IGF2R: variants seen among roughly 807,000 people sequenced by gnomAD.
IGF2R encodes the protein cation-independent mannose-6-phosphate receptor.
In IGF2R, 91 loss-of-function variants were observed where a neutral mutation model predicts 270.6. The observed-to-expected ratio is 0.34, with a 90% confidence interval of 0.28 to 0.40. The LOEUF (loss-of-function observed/expected upper bound fraction) is 0.40, where lower values mean the gene tolerates loss of function less well. IGF2R is among the 10% of genes least tolerant of loss of function. The pLI is 1.00. For synonymous variants in IGF2R, 1,316 were observed against 1,258.9 expected (o/e 1.05, Z -0.96); for missense variants, 2,805 against 3,188.3 (o/e 0.88, Z 2.90).
intron 44 of IGF2R, among the ~76,000 whole-genome samples, chr6:160,092,471 A>G (rs1779248555): frequency 1.3e-5 from 2 of 152,252 alleles, no homozygotes; most frequent in African/African-American, 4.8e-5. Context: ...ATGCGCATTT[A>G]GTCATTCTTG....
At chr6:160,073,094 C>G (rs1417369239) in intron 33 of IGF2R, 119 bp from the exon 34 acceptor site, 1 of 1,428,252 alleles carries the variant, frequency 7.0e-7, no homozygotes. Context: ...CCGGATTGGA[C>G]ACTTGAAGTT....
chr6:160,060,499 C>G (rs765096548), intron 22 of IGF2R, 48 bp from the exon 23 acceptor site: 1 of 1,591,580 alleles, frequency 6.3e-7, no homozygotes, highest in Non-Finnish European at 8.6e-7. Flanking sequence ...TGGGCTGCGC[C>G]ATGAATACTG....
chr6:160,073,159 A>T, intron 33 of IGF2R, 54 bp from the exon 34 acceptor site: 1 of 1,591,484 alleles, frequency 6.3e-7, no homozygotes, highest in Non-Finnish European at 8.6e-7. Context: ...CTCATCAGAA[A>T]ATTGGCCATC....
chr6:160,098,491 T>G lies in IGF2R; in HGVS notation c.6842+1866T>G, dbSNP rs74298706. The stretch of plus-strand genomic sequence containing the variant: ...TGGAATAGTGCCTGAGATTTTTTTT[T>G]CCCCAAATGTTATCAGTGTTGTACA... On this transcript the variant is annotated intron_variant, in intron 45 of 47. Transcript: ENST00000356956. Among the ~76,000 whole-genome samples, 16 of 152,216 alleles carry G rather than the reference T, an allele frequency of 1.1e-4. No individual in the cohort carries two copies. The East Asian group carries it at 3.1e-3, about 29-fold the overall frequency.
intron 41 of IGF2R, among the ~76,000 whole-genome samples, 185 bp from the exon 42 acceptor site, chr6:160,087,848 G>A (rs904623037): frequency 3.9e-5 from 6 of 152,070 alleles, no homozygotes; most frequent in Admixed American, 3.3e-4. Flanking sequence ...AATAATTTTT[G>A]TATTTTTAGT....
chr6:159,991,556 C>G (rs1222066276), intron 2 of IGF2R, among the ~76,000 whole-genome samples: 2 of 152,200 alleles, frequency 1.3e-5, no homozygotes, highest in African/African-American at 4.8e-5. Flanking sequence ...ATACAGACAG[C>G]TGTTATGAAG....
At chr6:159,985,324 C>T (rs536568299) in intron 1 of IGF2R, among the ~76,000 whole-genome samples, 12 of 152,308 alleles carry the variant, frequency 7.9e-5, no homozygotes, top group Middle Eastern at 3.4e-3. Flanking sequence ...AGGACTCACC[C>T]GTGGGCCTCA....
At chr6:160,025,094 G>A (rs984272119) in intron 5 of IGF2R, among the ~76,000 whole-genome samples, 5 of 152,172 alleles carry the variant, frequency 3.3e-5, no homozygotes, top group African/African-American at 2.4e-5. Flanking sequence ...GTACTTGGTC[G>A]GGATGCATAT....
Position 160,105,027 on chromosome 6 carries a change from C to G in IGF2R, c.7419C>G (p.Ser2473Arg), listed in dbSNP as rs1283925782. ...GCTCTGCACAGCAGAAGACAGTGAGCTCCACCAAGCTGGTGTCCTTCCATG... is the reference window on the plus strand; with the variant it reads ...GCTCTGCACAGCAGAAGACAGTGAGGTCCACCAAGCTGGTGTCCTTCCATG... ...KSSSAQQKTV[S>R]STKLVSFHDD... The change falls in exon 48 of 48, where the codon AGC (serine) becomes AGG (arginine). Residue 2473 changes from serine (S) to arginine (R), a missense_variant. By Grantham distance (110) the Ser-to-Arg change is moderately radical. Coordinates refer to ENST00000356956, the MANE Select transcript of IGF2R (RefSeq NM_000876.4). 2 of 1,611,806 alleles carry G rather than the reference C, an allele frequency of 1.2e-6. No homozygotes were observed.
chr6:160,028,541 T>C (rs142974044), intron 6 of IGF2R, among the ~76,000 whole-genome samples: 107 of 152,378 alleles, frequency 7.0e-4, no homozygotes, highest in Non-Finnish European at 1.3e-3. Flanking sequence ...TGAGCTTCTC[T>C]TGTGGGAAAA....
rs1347369237 is a variant in IGF2R, at chr6:160,043,171, G to C, written c.1504G>C (p.Val502Leu). The change falls in exon 12 of 48, where the codon GTG (valine) becomes CTG (leucine). Residue 502 changes from valine to leucine, a missense_variant. Val to Leu is a conservative substitution (Grantham distance 32, BLOSUM62 1). Around this residue, in one of 2 missense-constraint regions of IGF2R, gnomAD observed 954 missense variants for 981.1 expected, o/e 0.97. Transcript: ENST00000356956. ...AGAACCAGAGCAGAATTGGGAAGCT[G>C]TGGATGGCAGTCAGACGGAAACAGA... is the stretch of plus-strand genomic sequence containing the variant. ...HAEPEQNWEAVDGSQTETEKK... is the reference protein window; with the variant it reads ...HAEPEQNWEALDGSQTETEKK... 6.2e-7 allele frequency: 1 copy of C among 1,614,216 alleles called. No homozygotes were observed. The highest frequency in any genetic ancestry group is 8.5e-7 in the Non-Finnish European group (1 of 1,180,022).
chr6:160,026,440 G>T (rs918581295), intron 5 of IGF2R, among the ~76,000 whole-genome samples: 1 of 152,178 alleles, frequency 6.6e-6, no homozygotes, highest in Non-Finnish European at 1.5e-5. Flanking sequence ...TCCCTTCTGT[G>T]TGCTAGGCAC....
In IGF2R at chr6:160,102,579, A is replaced by G. The variant is rs1159307857; in HGVS notation, c.6903A>G (p.Glu2301=). Residue 2301 remains glutamate (E), a synonymous_variant, in exon 46 of 48, where the codon GAA becomes GAG. Transcript: ENST00000356956. This position sits in a 1 kb window ranked among gnomAD's most constrained non-coding sequence, Gnocchi z 4.5. ...DDGQMHKGLS[E]RSQAVGAVLS... is the part of the protein sequence containing the mutation. ...GGCAGATGCACAAGGGGCTGTCAGA[A>G]CGGAGCCAGGCAGTCGGCGCGGTGC... 6.2e-7 allele frequency: 1 copy of G among 1,613,662 alleles called. No individual in the cohort carries two copies. The highest frequency in any genetic ancestry group is 1.3e-5 in the African/African-American group (1 of 75,046).
chr6:160,067,037 G>C (rs1778600033), intron 29 of IGF2R, among the ~76,000 whole-genome samples: 1 of 152,186 alleles, frequency 6.6e-6, no homozygotes, highest in African/African-American at 2.4e-5. Context: ...GTCCCACCAT[G>C]TCGCTCTTGC....
At chr6:160,070,825 G>T (rs1778703213) in intron 31 of IGF2R, among the ~76,000 whole-genome samples, 1 of 152,166 alleles carries the variant, frequency 6.6e-6, no homozygotes. Context: ...TTGGGATGGG[G>T]GGCTCCAGGA....
At position 160,023,600 on chromosome 6, in the gene IGF2R, G is replaced by A. The variant is rs547529999; in HGVS notation, c.514-972G>A. Among the ~76,000 whole-genome samples the A allele has an allele frequency of 4.2e-3, 644 of 152,252 alleles. 4 individuals carry two copies. Among genetic ancestry groups the A allele is most frequent in the Non-Finnish European group, 6.9e-3 (470 of 68,006 alleles). ...AACTGTCATTATTCCAGTATGGCAC[G>A]TGGGGAAGCTGAGGCATGGAGGTTA... On this transcript the variant is annotated intron_variant, in intron 4 of 47. Transcript: ENST00000356956.
rs1779283826 is a variant in IGF2R, at chr6:160,093,750, T to G, written c.6656-2689T>G. The G allele has an allele frequency of 7.9e-6, 6 of 756,696 alleles. No individual in the cohort carries two copies. The Admixed American group carries it at 1.0e-4, about 13-fold the overall frequency. The allele number at this position is 756,696 out of a possible 1,614,324, so 46.9% of individuals were successfully genotyped here. A position where few individuals can be genotyped will look rare whatever the true frequency, so the allele number is the denominator to read the frequency against. Reference sequence around the variant, plus strand: ...CCACTCAACAGCCGAAGCAACAAACTGCAGTTTGCTTTTCGACTATATGAT... The same window carrying G: ...CCACTCAACAGCCGAAGCAACAAACGGCAGTTTGCTTTTCGACTATATGAT... On this transcript the variant is annotated intron_variant, in intron 44 of 47. Coordinates refer to ENST00000356956, the MANE Select transcript of IGF2R (RefSeq NM_000876.4).
chr6:160,024,437 A>T, intron 4 of IGF2R, 135 bp from the exon 5 acceptor site: 1 of 786,572 alleles, frequency 1.3e-6, no homozygotes, highest in South Asian at 1.8e-5. Flanking sequence ...CCTTTGCCTG[A>T]GTTCGTTATT....
At chr6:160,027,926 G>A (rs940367323) in intron 6 of IGF2R, among the ~76,000 whole-genome samples, 1 of 152,098 alleles carries the variant, frequency 6.6e-6, no homozygotes, top group Non-Finnish European at 1.5e-5. Flanking sequence ...TGTTGTGCTT[G>A]CTCTAGTCTG....
Sources: allele counts gnomAD v4.1 joint callset (sites outside exome capture counted in the v4.1 genomes callset), GRCh38; gene constraint gnomAD v4.1.1; regional missense constraint gnomAD v4.1.1; non-coding constraint Gnocchi (gnomAD v3.1); transcripts MANE v1.5; gene names NCBI Gene and HGNC (gene_info 2026-07-23, HGNC 2026-07-21).